The following PRPF19 variants were observed in gnomAD, a reference collection of about 807,000 sequenced individuals.
PRPF19 encodes the protein pre-mRNA-processing factor 19.
Under a neutral mutation model 64.2 loss-of-function variants are expected in PRPF19, and 2 were observed. The ratio of observed to expected loss-of-function variants is 0.03; its 90% CI spans 0.01 to 0.10. The LOEUF is 0.10. Among genes scored for constraint, PRPF19 ranks in the 10% least tolerant of loss-of-function variants. PRPF19 has a pLI of 1.00. For missense variants in PRPF19, 314 were observed against 650.0 expected (o/e 0.48, Z 5.62); for synonymous variants, 226 against 251.6 (o/e 0.90, Z 0.96).
At chr11:60,903,684 G>GC (rs1469922359) in intron 2 of PRPF19, 28 bp downstream of exon 2, 1 of 1,581,752 alleles carries the variant, frequency 6.3e-7, no homozygotes, top group African/African-American at 1.4e-5. Flanking sequence ...AGCTAAGATG[G>GC]CCCTAGACTA....
chr11:60,895,092 C>G (rs1421749718), intron 15 of PRPF19, among the ~76,000 whole-genome samples: 1 of 152,230 alleles, frequency 6.6e-6, no homozygotes, highest in African/African-American at 2.4e-5. Context: ...AATGTAAAAT[C>G]ACCAGCTGCA....
chr11:60,903,556 T>C (rs1590609023), intron 2 of PRPF19, 21 bp from the exon 3 acceptor site: 1 of 1,613,284 alleles, frequency 6.2e-7, no homozygotes, highest in Non-Finnish European at 8.5e-7. Flanking sequence ...GGAAAGCAGG[T>C]ATGAAGAACA....
In PRPF19 at chr11:60,902,272, C is replaced by T; in HGVS notation, c.525+131G>A. ...GCATCAAAATACAAACCCAGGCAATCTGGTCCCAGGGTCCATGCTCTGCAC... is the reference window on the plus strand; with the variant it reads ...GCATCAAAATACAAACCCAGGCAATTTGGTCCCAGGGTCCATGCTCTGCAC... On this transcript the variant is annotated intron_variant, in intron 6 of 15. Coordinates refer to ENST00000227524, the MANE Select transcript of PRPF19 (RefSeq NM_014502.5). The surrounding 1 kb of genome is among the most constrained non-coding windows in gnomAD (Gnocchi z 5.0). 5 of 1,016,702 alleles carry T rather than the reference C, an allele frequency of 4.9e-6. No individual in the cohort carries two copies. Among genetic ancestry groups the T allele is most frequent in the Non-Finnish European group, 5.9e-6 (4 of 683,082 alleles). 63.0% of individuals were successfully genotyped at this position (1,016,702 alleles called of 1,614,324 possible).
At chr11:60,901,161 G>A in intron 8 of PRPF19, 134 bp downstream of exon 8, 1 of 1,082,758 alleles carries the variant, frequency 9.2e-7, no homozygotes, top group South Asian at 1.5e-5. Context: ...CAGCAGCCCA[G>A]GCGAGAAACA....
In PRPF19 at chr11:60,902,815, G is replaced by T; in HGVS notation, c.313C>A (p.His105Asn). ...GCGGCATCGTGCTGGTACAGAGCGT[G>T]TGACAGCTCTTGGCGGGTTGTCTGC... The part of the protein sequence containing the change: ...QLQTTRQELS[H>N]ALYQHDAACR... The change falls in exon 4 of 16, where the codon CAC becomes AAC. Residue 105 changes from histidine (H) to asparagine (N), a missense_variant. His to Asn is a moderately conservative substitution (Grantham distance 68). This residue lies in a region of PRPF19 where 17 missense variants were observed against 32.2 expected (regional missense o/e 0.53). Coordinates refer to ENST00000227524, the MANE Select transcript of PRPF19 (RefSeq NM_014502.5). The surrounding 1 kb of genome is among the most constrained non-coding windows in gnomAD (Gnocchi z 5.0). The T allele has an allele frequency of 6.2e-7, 1 of 1,614,200 alleles. No individual in the cohort carries two copies. The highest frequency in any genetic ancestry group is 8.5e-7 in the Non-Finnish European group (1 of 1,180,026).
At chr11:60,893,480 G>C (rs1855886260) in intron 15 of PRPF19, among the ~76,000 whole-genome samples, 1 of 151,480 alleles carries the variant, frequency 6.6e-6, no homozygotes, top group South Asian at 2.1e-4. Context: ...CTCCAGCCTG[G>C]GTGACAGAGC....
At chr11:60,903,368 A>G in intron 3 of PRPF19, 91 bp downstream of exon 3, 2 of 1,331,290 alleles carry the variant, frequency 1.5e-6, no homozygotes, top group Non-Finnish European at 2.1e-6. Context: ...TACCCTCTAA[A>G]TAATGCTCCA....
Position 60,890,882 on chromosome 11 carries a change from C to A in PRPF19, c.*284G>T. On this transcript the variant is annotated 3_prime_UTR_variant, in exon 16 of 16. Coordinates refer to ENST00000227524, the MANE Select transcript of PRPF19 (RefSeq NM_014502.5). ...GGTGTGGAACAGCCACCACCACGTC[C>A]ATTGAACGACAGGAAGGGAGAGGCC... 1.8e-6 allele frequency: 1 copy of A among 557,858 alleles called. No individual in the cohort carries two copies. The highest frequency in any genetic ancestry group is 3.4e-6 in the Non-Finnish European group (1 of 293,388). The allele number at this position is 557,858 out of a possible 1,614,324, so 34.6% of individuals were successfully genotyped here.
chr11:60,892,094 A>G (rs935991648), intron 15 of PRPF19, among the ~76,000 whole-genome samples: 2 of 152,182 alleles, frequency 1.3e-5, no homozygotes, highest in Non-Finnish European at 2.9e-5. Context: ...CCACAACACC[A>G]GCTGTCACAC....
chr11:60,903,915 A>AG, intron 1 of PRPF19, 54 bp from the exon 2 acceptor site: 1 of 1,579,746 alleles, frequency 6.3e-7, no homozygotes, highest in Non-Finnish European at 8.6e-7. Context: ...TTGGGCCTAG[A>AG]GGATTCCTCA....
chr11:60,891,491 C>T (rs1855858019), intron 15 of PRPF19, among the ~76,000 whole-genome samples: 1 of 152,160 alleles, frequency 6.6e-6, no homozygotes, highest in African/African-American at 2.4e-5. Flanking sequence ...AATGCCAGCC[C>T]CCCCTTCTCA....
At chr11:60,903,570 C>T in intron 2 of PRPF19, 35 bp from the exon 3 acceptor site, 1 of 1,608,494 alleles carries the variant, frequency 6.2e-7, no homozygotes. Flanking sequence ...AAGAACATAA[C>T]CCAGGGGCCT....
intron 1 of PRPF19, among the ~76,000 whole-genome samples, chr11:60,904,502 C>G (rs1231580115): frequency 6.6e-6 from 1 of 152,192 alleles, no homozygotes. Context: ...AATCGCAAGC[C>G]CCAGGTTGTT....
At chr11:60,905,443 T>C (rs1004873855) in intron 1 of PRPF19, 1 of 152,144 alleles carries the variant, frequency 6.6e-6, no homozygotes, top group Admixed American at 6.5e-5. Flanking sequence ...TTTGGATCAA[T>C]GTACAGGTTC....
chr11:60,898,372 C>CA lies in PRPF19; in HGVS notation c.1141-102dup. ...ACCTGAGATGTCCCTCACGTCCTTCCAGGAAGGACAGCCAGCGGGACCCCC... is the reference window on the plus strand; with the variant it reads ...ACCTGAGATGTCCCTCACGTCCTTCCAAGGAAGGACAGCCAGCGGGACCCCC... On this transcript the variant is annotated intron_variant, in intron 13 of 15. Coordinates refer to ENST00000227524, the MANE Select transcript of PRPF19 (RefSeq NM_014502.5). The surrounding 1 kb of genome is among the most constrained non-coding windows in gnomAD (Gnocchi z 4.6). 3 of 1,520,190 alleles carry CA rather than the reference C, an allele frequency of 2.0e-6. No individual in the cohort carries two copies. The highest frequency in any genetic ancestry group is 2.7e-6 in the Non-Finnish European group (3 of 1,126,244). The allele number at this position is 1,520,190 out of a possible 1,614,324, so 94.2% of individuals were successfully genotyped here. A position where few individuals can be genotyped will look rare whatever the true frequency, so the allele number is the denominator to read the frequency against.
At chr11:60,903,410 T>G (rs1856007375) in intron 3 of PRPF19, 49 bp downstream of exon 3, 1 of 1,551,892 alleles carries the variant, frequency 6.4e-7, no homozygotes, top group East Asian at 2.3e-5. Context: ...AACCCAGCAA[T>G]GCATTCTCTT....
intron 10 of PRPF19, among the ~76,000 whole-genome samples, chr11:60,899,723 G>T (rs1349673745): frequency 6.6e-6 from 1 of 152,222 alleles, no homozygotes; most frequent in Non-Finnish European, 1.5e-5. Flanking sequence ...ACTGGAAGGG[G>T]CTGCATGGCT....
In PRPF19 at chr11:60,898,752, G is replaced by A. The variant is rs559539709; in HGVS notation, c.1054+110C>T. The A allele has an allele frequency of 2.2e-5, 33 of 1,532,002 alleles. No individual in the cohort carries two copies. The South Asian group carries it at 2.8e-4, about 13-fold the overall frequency. 94.9% of individuals were successfully genotyped at this position (1,532,002 alleles called of 1,614,324 possible). On this transcript the variant is annotated intron_variant, in intron 12 of 15. Transcript: ENST00000227524. The surrounding 1 kb of genome is among the most constrained non-coding windows in gnomAD (Gnocchi z 4.6). ...CCAGCACAAAGCCCGCACTAGACAG[G>A]TGCTCATGGTAAATATATCTTTAGA...
chr11:60,899,106 T>C, intron 11 of PRPF19, 43 bp downstream of exon 11: 2 of 1,584,342 alleles, frequency 1.3e-6, no homozygotes, highest in Non-Finnish European at 1.7e-6. Flanking sequence ...TGTTCAAGCT[T>C]GGGGACCAGC....
Sources: allele counts gnomAD v4.1 joint callset (sites outside exome capture counted in the v4.1 genomes callset), GRCh38; gene constraint gnomAD v4.1.1; regional missense constraint gnomAD v4.1.1; non-coding constraint Gnocchi (gnomAD v3.1); transcripts MANE v1.5; gene names NCBI Gene and HGNC (gene_info 2026-07-23, HGNC 2026-07-21).